Variants in RBSN observed in about 807,000 individuals in gnomAD.
RBSN encodes the protein rabenosyn, RAB effector.
RBSN carries 34 observed loss-of-function variants against 60.5 expected under a neutral mutation model. The ratio of observed to expected loss-of-function variants is 0.56; its 90% CI spans 0.43 to 0.75. The LOEUF (loss-of-function observed/expected upper bound fraction) is 0.75, where lower values mean the gene tolerates loss of function less well. RBSN is among the 30% of genes least tolerant of loss of function. The probability of loss-of-function intolerance (pLI) is 0.00; values close to 1 mark genes in which losing one functional copy is unlikely to be tolerated. For synonymous variants in RBSN, 322 were observed against 366.9 expected (o/e 0.88, Z 1.40); for missense variants, 845 against 986.8 (o/e 0.86, Z 1.92).
At chr3:15,090,376 A>G in intron 5 of RBSN, 23 bp downstream of exon 5, 1 of 1,611,010 alleles carries the variant, frequency 6.2e-7, no homozygotes, top group Middle Eastern at 1.7e-4. Flanking sequence ...CCACTTGCTG[A>G]ATGAATAAAT....
At chr3:15,087,768 G>A (rs2043387005) in intron 5 of RBSN, among the ~76,000 whole-genome samples, 1 of 151,940 alleles carries the variant, frequency 6.6e-6, no homozygotes, top group South Asian at 2.1e-4. Context: ...TTACACACAT[G>A]TGCCACCATG....
intron 5 of RBSN, among the ~76,000 whole-genome samples, chr3:15,089,673 C>T (rs1265473302): frequency 2.0e-5 from 3 of 151,208 alleles, no homozygotes; most frequent in East Asian, 1.9e-4. Context: ...TGCAGTGGCA[C>T]GATCTCAGCT....
In RBSN at chr3:15,090,420, T is replaced by G. The variant is rs1181184607; in HGVS notation, c.268A>C (p.Met90Leu). The G allele has an allele frequency of 6.2e-7, 1 of 1,613,794 alleles. No homozygotes were observed. Among genetic ancestry groups the G allele is most frequent in the East Asian group, 2.2e-5 (1 of 44,898 alleles). Residue 90 changes from methionine (M) to leucine (L), a missense_variant, in exon 5 of 14, where the codon ATG becomes CTG. Met to Leu is a conservative substitution (Grantham distance 15). Transcript: ENST00000253699. ...SFSYGGVDPYMWEPQELGAVR... is the reference protein window; with the variant it reads ...SFSYGGVDPYLWEPQELGAVR... ...TTACCAAGCTCCTGGGGTTCCCACA[T>G]GTAAGGATCAACCCCTCCATAGCTG...
intron 5 of RBSN, among the ~76,000 whole-genome samples, chr3:15,086,582 A>G (rs775386973): frequency 1.3e-5 from 2 of 152,256 alleles, no homozygotes; most frequent in Non-Finnish European, 2.9e-5. Context: ...GTTGTTAACG[A>G]TGATTAAATA....
chr3:15,090,609 A>C, intron 4 of RBSN, 70 bp from the exon 5 acceptor site: 187 of 1,528,476 alleles, frequency 1.2e-4, no homozygotes, highest in Non-Finnish European at 1.4e-4. Flanking sequence ...AAGAAATCTC[A>C]AAAAACAAGA....
rs1056859960 is a variant in RBSN, at chr3:15,080,986, A to G, written c.841-184T>C. 8.3e-5 allele frequency: 48 copies of G among 578,968 alleles called. No individual in the cohort carries two copies. In the Middle Eastern group the frequency reaches 1.1e-3, roughly 13 times the overall value. The allele number at this position is 578,968 out of a possible 1,614,324, so 35.9% of individuals were successfully genotyped here. Reference sequence around the variant, plus strand: ...AGAAAATTTTGTAGGAAGGAAAGAAAGTGAGAATGGAGCTTCTGATCAGAT... The same window carrying G: ...AGAAAATTTTGTAGGAAGGAAAGAAGGTGAGAATGGAGCTTCTGATCAGAT... On this transcript the variant is annotated intron_variant, in intron 9 of 13. Coordinates refer to ENST00000253699, the MANE Select transcript of RBSN (RefSeq NM_022340.4).
At chr3:15,091,208 C>T in intron 4 of RBSN, 1 of 54,038 alleles carries the variant, frequency 1.9e-5, no homozygotes, top group African/African-American at 6.4e-4. Context: ...GAGACCCTGT[C>T]TCAAAAAAAA....
rs2042993614 is a variant in RBSN, at chr3:15,074,346, G to A, written c.1791C>T (p.Thr597=). 6.2e-7 allele frequency: 1 copy of A among 1,614,008 alleles called. No individual in the cohort carries two copies. Among genetic ancestry groups the A allele is most frequent in the East Asian group, 2.2e-5 (1 of 44,894 alleles). ...CGGCTGGGGGCCCAGACCACACTCT[G>A]GTGGGTTGAGTTGAGCTAAGTGAAG... The part of the protein sequence containing the change: ...KTPSLSSTQP[T]RVWSGPPAVG... The change falls in exon 14 of 14, where the codon ACC becomes ACT. Residue 597 remains threonine (T), a synonymous_variant. Coordinates refer to ENST00000253699, the MANE Select transcript of RBSN (RefSeq NM_022340.4). This position sits in a 1 kb window ranked among gnomAD's most constrained non-coding sequence, Gnocchi z 6.4.
chr3:15,084,906 G>T lies in RBSN; in HGVS notation c.437-10C>A, dbSNP rs372735828. The T allele has an allele frequency of 6.2e-7, 1 of 1,613,094 alleles. No homozygotes were observed. Among genetic ancestry groups the T allele is most frequent in the Non-Finnish European group, 8.5e-7 (1 of 1,179,366 alleles). On this transcript the variant is annotated splice_polypyrimidine_tract_variant and intron_variant, in intron 7 of 13. Transcript: ENST00000253699. The surrounding 1 kb of genome is among the most constrained non-coding windows in gnomAD (Gnocchi z 4.2). ...ACAGACTTTTCTATTGCTTTGGGAAGAGCAAACCAACAAGAAAGCAGGCCA... is the reference window on the plus strand; with the variant it reads ...ACAGACTTTTCTATTGCTTTGGGAATAGCAAACCAACAAGAAAGCAGGCCA...
intron 4 of RBSN, among the ~76,000 whole-genome samples, chr3:15,093,871 A>T (rs1386857391): frequency 2.6e-5 from 4 of 151,624 alleles, no homozygotes. Context: ...CCAGCTAATT[A>T]AAAAAAATTT....
At position 15,096,008 on chromosome 3, in the gene RBSN, G is replaced by A. The variant is rs1575111055; in HGVS notation, c.113C>T (p.Ser38Leu). 2.5e-6 allele frequency: 4 copies of A among 1,614,070 alleles called. No homozygotes were observed. Among genetic ancestry groups the A allele is most frequent in the Admixed American group, 1.7e-5 (1 of 60,000 alleles). Residue 38 changes from serine to leucine, a missense_variant, in exon 4 of 14, where the codon TCA (serine) becomes TTA (leucine). Coordinates refer to ENST00000253699, the MANE Select transcript of RBSN (RefSeq NM_022340.4). ...CCCTTTGACATCACGGTCTTCCCCT[G>A]AGTGTTCTTCCTCGTAATGTGAGTG... The part of the protein sequence containing the change: ...QLHSHYEEEH[S>L]GEDRDVKGQI...
At chr3:15,092,587 T>C (rs1251790036) in intron 4 of RBSN, among the ~76,000 whole-genome samples, 1 of 152,092 alleles carries the variant, frequency 6.6e-6, no homozygotes, top group East Asian at 1.9e-4. Flanking sequence ...TTTTGTATTT[T>C]TTTTAGTAGA....
At position 15,078,146 on chromosome 3, in the gene RBSN, G is replaced by C. The variant is rs755941496; in HGVS notation, c.927C>G (p.Thr309=). The change falls in exon 11 of 14, where the codon ACC becomes ACG. Residue 309 remains threonine (T), a synonymous_variant. Coordinates refer to ENST00000253699, the MANE Select transcript of RBSN (RefSeq NM_022340.4). ...MAASLNAGET[T]YSLEHASDLR... The stretch of plus-strand genomic sequence containing the variant: ...GGTCACTGGCATGTTCCAGACTGTA[G>C]GTTGTCTCCCCAGCACTAAGGAGAA... The C allele has an allele frequency of 4.6e-5, 74 of 1,614,040 alleles. No homozygotes were observed. The highest frequency in any genetic ancestry group is 6.3e-5 in the Non-Finnish European group (74 of 1,180,010).
At chr3:15,091,779 C>A (rs376672115) in intron 4 of RBSN, among the ~76,000 whole-genome samples, 1 of 152,204 alleles carries the variant, frequency 6.6e-6, no homozygotes, top group South Asian at 2.1e-4. Context: ...AGCTCTCCCC[C>A]GCTAGTCCTG....
chr3:15,074,550 CTCCCGTTCACGCAACATCTGCAGCTGT>C lies in RBSN; in HGVS notation c.1560_1586del (p.Gln521_Glu529del). On this transcript the variant is annotated inframe_deletion, in exon 14 of 14. Coordinates refer to ENST00000253699, the MANE Select transcript of RBSN (RefSeq NM_022340.4). This position sits in a 1 kb window ranked among gnomAD's most constrained non-coding sequence, Gnocchi z 6.4. ...GAAACTGCTCCCTTTCTCGTTCCAA[CTCCCGTTCACGCAACATCTGCAGCTGT>C]TCCCGCTGCAGGTCCTCCTCCTCAG... 1.9e-6 allele frequency: 3 copies of C among 1,614,250 alleles called. No homozygotes were observed. The highest frequency in any genetic ancestry group is 2.5e-6 in the Non-Finnish European group (3 of 1,180,040).
chr3:15,085,005 A>C lies in RBSN; in HGVS notation c.431T>G (p.Ile144Ser), dbSNP rs761444829. Residue 144 changes from isoleucine (I) to serine (S), a missense_variant, in exon 7 of 14, where the codon ATT becomes AGT. Coordinates refer to ENST00000253699, the MANE Select transcript of RBSN (RefSeq NM_022340.4). ...FDRTNTESAKIRAIEKSVVPW... is the reference protein window; with the variant it reads ...FDRTNTESAKSRAIEKSVVPW... ...GAGCAAAGTTTTAAAGTTACCTCGA[A>C]TCTTTGCAGACTCAGTATTTGTTCT... 2 of 1,614,242 alleles carry C rather than the reference A, an allele frequency of 1.2e-6. No individual in the cohort carries two copies. Among genetic ancestry groups the C allele is most frequent in the Non-Finnish European group, 8.5e-7 (1 of 1,180,048 alleles).
rs1351578313 is a variant in RBSN at position 15,096,463 on chromosome 3, G to A, written c.-169+72C>T. The A allele has an allele frequency of 1.6e-5, 3 of 191,736 alleles. No homozygotes were observed. The East Asian group carries it at 3.8e-4, about 24-fold the overall frequency. The allele number at this position is 191,736 out of a possible 1,614,324, so 11.9% of individuals were successfully genotyped here. A position where few individuals can be genotyped will look rare whatever the true frequency, so the allele number is the denominator to read the frequency against. ...CCAAGCAAGCTGCAAAACCTAAAAT[G>A]TGAAAACATCACTGGAGAACAAAAA... On this transcript the variant is annotated intron_variant, in intron 3 of 13. Coordinates refer to ENST00000253699, the MANE Select transcript of RBSN (RefSeq NM_022340.4).
Position 15,096,168 on chromosome 3 carries a change from G to T in RBSN, c.-48C>A. The stretch of plus-strand genomic sequence containing the variant: ...GGAAGGCAGGAATCTCATGCCAAGA[G>T]TCAGCTTGATTCCTCCCAAGGAACC... On this transcript the variant is annotated 5_prime_UTR_variant, in exon 4 of 14. Transcript: ENST00000253699. The T allele has an allele frequency of 6.6e-7, 1 of 1,517,432 alleles. No individual in the cohort carries two copies. Among genetic ancestry groups the T allele is most frequent in the Non-Finnish European group, 8.8e-7 (1 of 1,136,336 alleles). The allele number at this position is 1,517,432 out of a possible 1,614,324, so 94.0% of individuals were successfully genotyped here.
chr3:15,073,467 T>C lies in RBSN; in HGVS notation c.*315A>G, dbSNP rs1181247581. 2 of 299,590 alleles carry C rather than the reference T, an allele frequency of 6.7e-6. No individual in the cohort carries two copies. Among genetic ancestry groups the C allele is most frequent in the Non-Finnish European group, 1.3e-5 (2 of 159,838 alleles). 18.6% of individuals were successfully genotyped at this position (299,590 alleles called of 1,614,324 possible). A position where few individuals can be genotyped will look rare whatever the true frequency, so the allele number is the denominator to read the frequency against. Reference sequence around the variant, plus strand: ...CTGCCCTGGGCCCAACAGAGCTGCATTTAGTTATATCTCGGTAGTAAAAAT... The same window carrying C: ...CTGCCCTGGGCCCAACAGAGCTGCACTTAGTTATATCTCGGTAGTAAAAAT... On this transcript the variant is annotated 3_prime_UTR_variant, in exon 14 of 14. Transcript: ENST00000253699.
Sources: gnomAD v4.1 joint callset for allele counts (sites outside exome capture counted in the v4.1 genomes callset) on GRCh38, gnomAD v4.1.1 for gene constraint, Gnocchi (gnomAD v3.1) non-coding constraint, MANE v1.5 for transcripts, NCBI Gene and HGNC (gene_info 2026-07-23, HGNC 2026-07-21) for gene names.